The following RIMS2 variants were observed in gnomAD, a reference collection of about 807,000 sequenced individuals.
RIMS2 encodes the protein regulating synaptic membrane exocytosis 2.
A neutral mutation model predicts 174.4 loss-of-function variants in RIMS2; 59 were observed. That is an observed-to-expected ratio of 0.34 (90% CI 0.27 to 0.42). The LOEUF (loss-of-function observed/expected upper bound fraction) is 0.42, where lower values mean the gene tolerates loss of function less well. Among genes scored for constraint, RIMS2 ranks in the 10% least tolerant of loss-of-function variants. The probability of loss-of-function intolerance (pLI) is 1.00; values close to 1 mark genes in which losing one functional copy is unlikely to be tolerated. For missense variants in RIMS2, 1,620 were observed against 1,666.3 expected (o/e 0.97, Z 0.48); for synonymous variants, 606 against 572.5 (o/e 1.06, Z -0.84).
chr8:104,147,271 T>C (rs1566682572), intron 19 of RIMS2, among the ~76,000 whole-genome samples: 1 of 152,026 alleles, frequency 6.6e-6, no homozygotes, highest in Non-Finnish European at 1.5e-5. Flanking sequence ...ACACTAACTC[T>C]CTTTGTCCTG....
chr8:104,150,954 T>C (rs1013629657), intron 19 of RIMS2, among the ~76,000 whole-genome samples: 4 of 152,216 alleles, frequency 2.6e-5, no homozygotes, highest in Non-Finnish European at 4.4e-5. Context: ...CCTTCTTCTC[T>C]TGGAGCTTAT....
chr8:103,936,403 A>G, intron 12 of RIMS2, 148 bp from the exon 15 acceptor site: 2 of 471,958 alleles, frequency 4.2e-6, no homozygotes, highest in Non-Finnish European at 7.3e-6. Context: ...TTTTCATAAT[A>G]ATTTTAAAGG....
At chr8:104,220,289 CA>C (rs10715415) in intron 19 of RIMS2, among the ~76,000 whole-genome samples, 50,424 of 151,898 alleles carry the variant, frequency 0.33, 8,645 homozygotes, top group African/African-American at 0.42. Flanking sequence ...AAAAAAATAT[CA>C]AAAAAGCTTC....
chr8:103,794,354 T>C (rs1325233094), intron 3 of RIMS2, among the ~76,000 whole-genome samples: 2 of 152,162 alleles, frequency 1.3e-5, no homozygotes, highest in Non-Finnish European at 2.9e-5. Context: ...ATTTAATCAA[T>C]GGTGCTGGGA....
At chr8:103,920,894 G>C (rs187085050) in intron 9 of RIMS2, 5,823 of 332,228 alleles carry the variant, frequency 0.018, 93 homozygotes, top group Non-Finnish European at 0.024. Context: ...AGCTACTTGG[G>C]AGGCTGAGGC....
At chr8:104,203,186 T>C (rs2099063220) in intron 19 of RIMS2, among the ~76,000 whole-genome samples, 3 of 152,192 alleles carry the variant, frequency 2.0e-5, no homozygotes, top group Admixed American at 2.0e-4. Context: ...TATCAAGTTA[T>C]TTTATCAGAA....
intron 2 of RIMS2, among the ~76,000 whole-genome samples, chr8:103,716,912 G>A (rs1047648073): frequency 4.6e-5 from 7 of 151,962 alleles, no homozygotes; most frequent in Admixed American, 2.0e-4. Flanking sequence ...CTAGACTACC[G>A]GCTAGGTTTT....
In RIMS2 at chr8:104,068,628, T is replaced by C; in HGVS notation, c.3334+54013T>C. 9.1e-6 allele frequency: 12 copies of C among 1,311,692 alleles called. No individual in the cohort carries two copies. The highest frequency in any genetic ancestry group is 1.3e-5 in the Non-Finnish European group (12 of 939,336). 81.3% of individuals were successfully genotyped at this position (1,311,692 alleles called of 1,614,324 possible). A position where few individuals can be genotyped will look rare whatever the true frequency, so the allele number is the denominator to read the frequency against. ...CCATTCGAAGGCAAGACATTTTTCT[T>C]TTTAAAAGTTGTAAAATAATCAATC... On this transcript the variant is annotated intron_variant, in intron 19 of 23. Coordinates refer to ENST00000504942, the Ensembl canonical transcript of RIMS2.
chr8:103,909,517 T>G (rs888475328), intron 4 of RIMS2, among the ~76,000 whole-genome samples: 2 of 152,116 alleles, frequency 1.3e-5, no homozygotes, highest in African/African-American at 4.8e-5. Flanking sequence ...TAAAGTTTAT[T>G]TTTACTAATA....
At chr8:104,244,885 G>T in intron 19 of RIMS2, 31 bp from the exon 26 acceptor site, 1 of 1,592,004 alleles carries the variant, frequency 6.3e-7, no homozygotes, top group Non-Finnish European at 8.6e-7. Context: ...TGATTACAAA[G>T]CTGTTACACT....
chr8:103,563,362 C>T (rs1349041429), intron 1 of RIMS2, among the ~76,000 whole-genome samples: 1 of 152,190 alleles, frequency 6.6e-6, no homozygotes, highest in South Asian at 2.1e-4. Context: ...TAAATCATCT[C>T]TCTCAAGTTC....
rs1451913081 is a variant in RIMS2, at chr8:104,245,069, T to A, written c.3476+12T>A. 2 of 1,613,048 alleles carry A rather than the reference T, an allele frequency of 1.2e-6. No homozygotes were observed. On this transcript the variant is annotated intron_variant, in intron 20 of 23. Transcript: ENST00000504942. Reference sequence around the variant, plus strand: ...AGCTCAGAAGGAAAGTGAGTGAGGCTGCATGTGATGTGTGTCTCCTCCGTG... The same window carrying A: ...AGCTCAGAAGGAAAGTGAGTGAGGCAGCATGTGATGTGTGTCTCCTCCGTG...
intron 3 of RIMS2, among the ~76,000 whole-genome samples, chr8:103,838,089 G>A (rs2098915218): frequency 6.6e-6 from 1 of 151,966 alleles, no homozygotes; most frequent in Admixed American, 6.6e-5. Context: ...TGGGACTATA[G>A]GTACAAGCCA....
chr8:103,572,299 C>A (rs1012819234), intron 1 of RIMS2, among the ~76,000 whole-genome samples: 1 of 152,188 alleles, frequency 6.6e-6, no homozygotes, highest in East Asian at 1.9e-4. Context: ...CGGGTTGCTG[C>A]TGCTGGCTCG....
chr8:103,977,722 C>G (rs1269933782), intron 16 of RIMS2, among the ~76,000 whole-genome samples: 1 of 152,194 alleles, frequency 6.6e-6, no homozygotes. Context: ...TGTGACCTAT[C>G]CAGTTATAAA....
At chr8:103,748,616 TTC>T in intron 2 of RIMS2, among the ~76,000 whole-genome samples, 1 of 152,266 alleles carries the variant, frequency 6.6e-6, no homozygotes, top group Non-Finnish European at 1.5e-5. Flanking sequence ...TCATTACTAT[TTC>T]ACCATCATTG....
At chr8:103,533,960 A>C (rs1838624486) in intron 1 of RIMS2, among the ~76,000 whole-genome samples, 1 of 152,198 alleles carries the variant, frequency 6.6e-6, no homozygotes, top group Non-Finnish European at 1.5e-5. Context: ...CATTCTATCA[A>C]ATAGAAGTGT....
intron 19 of RIMS2, among the ~76,000 whole-genome samples, chr8:104,218,662 A>G (rs1225171112): frequency 1.3e-5 from 2 of 152,170 alleles, no homozygotes; most frequent in African/African-American, 2.4e-5. Flanking sequence ...ATCATCAAGC[A>G]TTAGATTCTA....
At chr8:103,755,041 T>G (rs1446193836) in intron 2 of RIMS2, among the ~76,000 whole-genome samples, 2 of 152,210 alleles carry the variant, frequency 1.3e-5, no homozygotes, top group African/African-American at 2.4e-5. Flanking sequence ...CTTTACAATT[T>G]GGTATGTTTT....
Sources: allele counts gnomAD v4.1 joint callset (sites outside exome capture counted in the v4.1 genomes callset), GRCh38; gene constraint gnomAD v4.1.1; transcripts MANE v1.5; gene names NCBI Gene and HGNC (gene_info 2026-07-23, HGNC 2026-07-21).